The following NCOR2 variants were observed in gnomAD, a reference collection of about 807,000 sequenced individuals.
The protein encoded by NCOR2 is nuclear receptor corepressor 2.
Under a neutral mutation model 262.9 loss-of-function variants are expected in NCOR2, and 81 were observed. The ratio of observed to expected loss-of-function variants is 0.31; its 90% CI spans 0.26 to 0.37. The LOEUF (loss-of-function observed/expected upper bound fraction) is 0.37. Ranked by LOEUF, NCOR2 falls within the 10% of genes least tolerant of loss-of-function variation. The pLI is 1.00. For synonymous variants in NCOR2, 1,659 were observed against 1,559.3 expected, an observed-to-expected ratio of 1.06 and a Z score of -1.51; for missense variants, 3,385 against 3,621.4, an observed-to-expected ratio of 0.93 and a Z score of 1.68.
At chr12:124,538,539 T>C (rs2051187449), upstream of NCOR2, 1 of 152,502 alleles carries the variant, frequency 6.6e-6, no homozygotes. Context: ...ATGGGTTTTA[T>C]CTCCAGAGCA....
At chr12:124,490,463 TCTCCCA>T (rs2048024091) in intron 1 of NCOR2, among the ~76,000 whole-genome samples, 1 of 149,252 alleles carries the variant, frequency 6.7e-6, no homozygotes. Flanking sequence ...GATGGATGGA[TCTCCCA>T]GCATGGGAGC....
chr12:124,393,271 C>T (rs568639615), intron 16 of NCOR2, among the ~76,000 whole-genome samples: 3 of 152,314 alleles, frequency 2.0e-5, no homozygotes, highest in South Asian at 4.1e-4. Flanking sequence ...CGAGGGCAGG[C>T]GGCCAGCTCC....
rs1238224980 is a variant in NCOR2, at chr12:124,503,464, CTGATGGATGGATGGATGGATGATGGAT to C, written c.-117-8123_-117-8097del. 1.5e-5 allele frequency among the ~76,000 whole-genome samples: 2 copies of C among 137,076 alleles called. No homozygotes were observed. The highest frequency in any genetic ancestry group is 4.5e-4 in the South Asian group (2 of 4,430). 89.9% of individuals were successfully genotyped at this position (137,076 alleles called of 152,430 possible). A position where few individuals can be genotyped will look rare whatever the true frequency, so the allele number is the denominator to read the frequency against. On this transcript the variant is annotated intron_variant, in intron 1 of 46. Coordinates refer to the NCOR2 transcript ENST00000404621. The surrounding 1 kb of genome is among the most constrained non-coding windows in gnomAD (Gnocchi z 4.3). ...AGAGAAAGGAGGAAGGATGCATGGA[CTGATGGATGGATGGATGGATGATGGAT>C]TGATGGATGGATGGATGGATGGACA...
intron 1 of NCOR2, among the ~76,000 whole-genome samples, chr12:124,520,832 C>A (rs777585763): frequency 1.3e-5 from 2 of 152,198 alleles, no homozygotes; most frequent in Non-Finnish European, 2.9e-5. Flanking sequence ...AATCTGCCGA[C>A]AGGCCGCTTC....
At chr12:124,550,020 G>A (rs748703181) in intron 1 of NCOR2, among the ~76,000 whole-genome samples, 5 of 152,190 alleles carry the variant, frequency 3.3e-5, no homozygotes, top group African/African-American at 4.8e-5. Flanking sequence ...GGGGTCTGGC[G>A]GGAGTGACTG....
At chr12:124,336,577 A>T (rs895308342) in intron 38 of NCOR2, 176 bp downstream of exon 40, 1 of 978,666 alleles carries the variant, frequency 1.0e-6, no homozygotes, top group Non-Finnish European at 1.2e-6. Flanking sequence ...CAAAGTAAAA[A>T]GCAGAGATCT....
Position 124,479,436 on chromosome 12 carries a change from CAT to C in NCOR2, c.411+4158_411+4159del, listed in dbSNP as rs1480574081. The stretch of plus-strand genomic sequence containing the variant: ...ACAGGTACATGCACGCACACAGGCA[CAT>C]GTGTGCACACACGCATACACACACA... On this transcript the variant is annotated intron_variant, in intron 3 of 46. Coordinates refer to ENST00000405201, the Ensembl canonical transcript of NCOR2. 4.3e-4 allele frequency among the ~76,000 whole-genome samples: 64 copies of C among 148,420 alleles called. 1 individual carries two copies. Among genetic ancestry groups the C allele is most frequent in the African/African-American group, 1.4e-3 (56 of 40,438 alleles).
upstream of NCOR2, among the ~76,000 whole-genome samples, chr12:124,536,192 T>TA (rs2051109541): frequency 6.6e-6 from 1 of 152,094 alleles, no homozygotes; most frequent in Non-Finnish European, 1.5e-5. Flanking sequence ...TCCTCCCACC[T>TA]AAGCCTGCTA....
intron 22 of NCOR2, among the ~76,000 whole-genome samples, chr12:124,360,632 G>A (rs1230686142): frequency 1.3e-5 from 2 of 152,042 alleles, no homozygotes; most frequent in Non-Finnish European, 2.9e-5. Flanking sequence ...ACACAATCCG[G>A]TCCCCACTTC....
At chr12:124,501,045 A>AGCGC (rs5801554) in intron 1 of NCOR2, among the ~76,000 whole-genome samples, 1 of 136,996 alleles carries the variant, frequency 7.3e-6, no homozygotes, top group African/African-American at 2.8e-5. Context: ...CCACGGCACG[A>AGCGC]GCGCGCGCGC....
At chr12:124,488,674 C>T (rs1444315716) in intron 1 of NCOR2, among the ~76,000 whole-genome samples, 2 of 152,212 alleles carry the variant, frequency 1.3e-5, no homozygotes, top group Non-Finnish European at 2.9e-5. Context: ...ACGCAGCTGC[C>T]AGGCAAAGAC....
intron 1 of NCOR2, among the ~76,000 whole-genome samples, chr12:124,487,960 G>C (rs1223950563): frequency 6.6e-6 from 1 of 151,630 alleles, no homozygotes; most frequent in East Asian, 1.9e-4. Flanking sequence ...CAATAGATTA[G>C]TTCTGTCTGC....
chr12:124,510,523 G>A (rs2137016641), intron 1 of NCOR2, among the ~76,000 whole-genome samples: 1 of 152,346 alleles, frequency 6.6e-6, no homozygotes, highest in East Asian at 1.9e-4. Context: ...GCACAGAGAG[G>A]CCGAGCAACT....
chr12:124,453,855 C>A (rs1343599483), intron 6 of NCOR2, among the ~76,000 whole-genome samples: 1 of 152,250 alleles, frequency 6.6e-6, no homozygotes, highest in Non-Finnish European at 1.5e-5. Context: ...TGCCCCCGAC[C>A]CCTGGTTAGC....
At chr12:124,410,970 G>A (rs1378120805) in intron 13 of NCOR2, among the ~76,000 whole-genome samples, 1 of 151,028 alleles carries the variant, frequency 6.6e-6, no homozygotes. Flanking sequence ...GAGAAAGGTG[G>A]GGGAGGAGCA....
At chr12:124,325,107 G>A (rs1173955967) in exon 47 of NCOR2, 7 of 254,484 alleles carry the variant, frequency 2.8e-5, no homozygotes, top group South Asian at 1.7e-4. Flanking sequence ...GGCCGCCTGC[G>A]TGTGGCTGCC....
chr12:124,527,938 C>T (rs11057655), intron 1 of NCOR2, among the ~76,000 whole-genome samples: 1 of 152,212 alleles, frequency 6.6e-6, no homozygotes, highest in Non-Finnish European at 1.5e-5. Context: ...CCCTCCAGGG[C>T]GTGCTGCGTG....
In NCOR2 at chr12:124,410,823, TACTGTTCCCTGTGCAA is replaced by T. The variant is rs538442593; in HGVS notation, c.1483-8278_1483-8263del. ...TGCCCTGGAACAGCCTTCCCGGTCA[TACTGTTCCCTGTGCAA>T]ACTGTCCGAGTGCCACAGCAAGGGG... On this transcript the variant is annotated intron_variant, in intron 13 of 46. Transcript: ENST00000405201. Among the ~76,000 whole-genome samples, 504 of 152,268 alleles carry T rather than the reference TACTGTTCCCTGTGCAA, an allele frequency of 3.3e-3. 3 individuals are homozygous for T. The highest frequency in any genetic ancestry group is 0.012 in the African/African-American group (482 of 41,544).
intron 13 of NCOR2, among the ~76,000 whole-genome samples, chr12:124,405,827 C>T (rs2042245476): frequency 6.6e-6 from 1 of 152,242 alleles, no homozygotes; most frequent in Non-Finnish European, 1.5e-5. Flanking sequence ...GCAGCCGACA[C>T]TGGCGAGGCT....
Sources: allele counts gnomAD v4.1 joint callset (sites outside exome capture counted in the v4.1 genomes callset), GRCh38; gene constraint gnomAD v4.1.1; non-coding constraint Gnocchi (gnomAD v3.1); transcripts MANE v1.5; gene names NCBI Gene and HGNC (gene_info 2026-07-23, HGNC 2026-07-21).